The following PAX2 variants were observed in gnomAD, a reference collection of about 807,000 sequenced individuals.
PAX2 encodes paired box protein Pax-2.
Under a neutral mutation model 41.7 loss-of-function variants are expected in PAX2, and 9 were observed. The ratio of observed to expected loss-of-function variants is 0.22; its 90% CI spans 0.13 to 0.38. PAX2 has a LOEUF of 0.38. Among genes scored for constraint, PAX2 ranks in the 10% least tolerant of loss-of-function variants. PAX2 has a pLI of 1.00. For synonymous variants in PAX2, 221 were observed against 212.7 expected, an observed-to-expected ratio of 1.04 and a Z score of -0.34; for missense variants, 418 against 531.6, an observed-to-expected ratio of 0.79 and a Z score of 2.10.
intron 5 of PAX2, among the ~76,000 whole-genome samples, chr10:100,784,193 G>A (rs1171180882): frequency 6.6e-6 from 1 of 152,232 alleles, no homozygotes; most frequent in African/African-American, 2.4e-5. Flanking sequence ...GTGTCAAGAT[G>A]ATGTAGCCCA....
At position 100,806,491 on chromosome 10, in the gene PAX2, G is replaced by C; in HGVS notation, c.678G>C (p.Lys226Asn). Residue 226 changes from lysine (K) to asparagine (N), a missense_variant, in exon 6 of 10, where the codon AAG (lysine) becomes AAC (asparagine). By Grantham distance (94) the Lys-to-Asn change is moderately conservative. Transcript: ENST00000355243. The stretch of plus-strand genomic sequence containing the variant: ...AGAGTGGTGTGGACAGTTTGCGGAA[G>C]CACTTGCGAGCTGACACCTTCACCC... ...DSQSGVDSLR[K>N]HLRADTFTQQ... 6.2e-7 allele frequency: 1 copy of C among 1,614,230 alleles called. No individual in the cohort carries two copies.
At chr10:100,775,597 G>T (rs1846359137) in intron 3 of PAX2, among the ~76,000 whole-genome samples, 1 of 152,176 alleles carries the variant, frequency 6.6e-6, no homozygotes, top group Non-Finnish European at 1.5e-5. Flanking sequence ...GTGCCCTAGG[G>T]GTCAGAGGCT....
chr10:100,769,626 G>GAATAAAATAAAATAA (rs60896393), intron 3 of PAX2, among the ~76,000 whole-genome samples: 3,491 of 126,878 alleles, frequency 0.028, 66 homozygotes, highest in Middle Eastern at 0.061. Flanking sequence ...ATCTCAAAAA[G>GAATAAAATAAAATAA]AATAAAATAA....
chr10:100,788,339 C>A (rs191215534), intron 5 of PAX2, among the ~76,000 whole-genome samples: 1 of 152,312 alleles, frequency 6.6e-6, no homozygotes, highest in East Asian at 1.9e-4. Flanking sequence ...CAGGCGTGCC[C>A]TGGTCACCAA....
chr10:100,764,387 C>T lies in PAX2; in HGVS notation c.410+13496C>T, dbSNP rs968695968. 3.3e-5 allele frequency among the ~76,000 whole-genome samples: 5 copies of T among 152,084 alleles called. No individual in the cohort carries two copies. The South Asian group carries it at 8.3e-4, about 25-fold the overall frequency. On this transcript the variant is annotated intron_variant, in intron 3 of 9. Coordinates refer to ENST00000355243, the MANE Select transcript of PAX2 (RefSeq NM_000278.5). The stretch of plus-strand genomic sequence containing the variant: ...TCGATCTCCTGACCTTGTGATCCAC[C>T]CACCTTGGCCTCCCAAAGTGCTGGG...
rs1334563932 is a variant in PAX2, at chr10:100,824,991, C to T, written c.1021+242C>T. 4 of 1,612,010 alleles carry T rather than the reference C, an allele frequency of 2.5e-6. No homozygotes were observed. The highest frequency in any genetic ancestry group is 1.7e-5 in the Admixed American group (1 of 60,002). Reference sequence around the variant, plus strand: ...CCCTTGTGTGCAACCCACTGTATGTCATGGCCCCTCCACAGCGCCCACCCA... The same window carrying T: ...CCCTTGTGTGCAACCCACTGTATGTTATGGCCCCTCCACAGCGCCCACCCA... On this transcript the variant is annotated intron_variant, in intron 8 of 9. Coordinates refer to ENST00000355243, the MANE Select transcript of PAX2 (RefSeq NM_000278.5). This position sits in a 1 kb window ranked among gnomAD's most constrained non-coding sequence, Gnocchi z 6.6.
rs1845364307 is a variant in PAX2 at position 100,749,735 on chromosome 10, T to C, written c.44-11T>C. 1 of 1,605,946 alleles carries C rather than the reference T, an allele frequency of 6.2e-7. No individual in the cohort carries two copies. The highest frequency in any genetic ancestry group is 8.5e-7 in the Non-Finnish European group (1 of 1,174,482). On this transcript the variant is annotated splice_polypyrimidine_tract_variant and intron_variant, in intron 1 of 9. Coordinates refer to ENST00000355243, the MANE Select transcript of PAX2 (RefSeq NM_000278.5). ...TGTGGGGTGTTGTGTTTTTTTCTTG[T>C]CTCTCCCCAGCAGGGCACGGGGGTG...
rs1024993677 is a variant in PAX2 at position 100,750,672 on chromosome 10, C to G, written c.213-22C>G. On this transcript the variant is annotated intron_variant, in intron 2 of 9. Transcript: ENST00000355243. This position sits in a 1 kb window ranked among gnomAD's most constrained non-coding sequence, Gnocchi z 4.1. ...CCGCCACAGTCCGCTTCTGGCTGAC[C>G]CCGCCGGCTTTCCCGGCGCAGGTAC... The G allele has an allele frequency of 1.2e-6, 2 of 1,610,188 alleles. No individual in the cohort carries two copies. The highest frequency in any genetic ancestry group is 1.7e-6 in the Non-Finnish European group (2 of 1,176,780).
chr10:100,752,005 C>G (rs1845460802), intron 3 of PAX2, among the ~76,000 whole-genome samples: 1 of 152,150 alleles, frequency 6.6e-6, no homozygotes. Context: ...AAATTGGCAT[C>G]ACATATAAAG....
chr10:100,798,057 G>A (rs1335554038), intron 5 of PAX2, among the ~76,000 whole-genome samples: 1 of 151,014 alleles, frequency 6.6e-6, no homozygotes, highest in African/African-American at 2.4e-5. Flanking sequence ...GTCTTGCCCC[G>A]AGCCAAGGTT....
rs116080882 is a variant in PAX2 at position 100,824,437 on chromosome 10, G to T, written c.920-211G>T. On this transcript the variant is annotated intron_variant, in intron 7 of 9. Coordinates refer to ENST00000355243, the MANE Select transcript of PAX2 (RefSeq NM_000278.5). The surrounding 1 kb of genome is among the most constrained non-coding windows in gnomAD (Gnocchi z 6.6). ...AAAGAGCTACACAAAACAGAGATGC[G>T]TACACACAGCTGATCATAGACATTT... Among the ~76,000 whole-genome samples the T allele has an allele frequency of 2.7e-5, 4 of 149,340 alleles. No individual in the cohort carries two copies. In the East Asian group the frequency reaches 7.9e-4, roughly 29 times the overall value.
At chr10:100,749,676 C>A in intron 1 of PAX2, 70 bp from the exon 2 acceptor site, 2 of 1,559,210 alleles carry the variant, frequency 1.3e-6, no homozygotes, top group Non-Finnish European at 1.7e-6. Flanking sequence ...CGTCCCGGGC[C>A]GCGGACCCTG....
chr10:100,741,703 G>A (rs1375102656), upstream of PAX2, among the ~76,000 whole-genome samples: 4 of 152,182 alleles, frequency 2.6e-5, no homozygotes, highest in Non-Finnish European at 4.4e-5. Flanking sequence ...CTAAAAGTGG[G>A]AATAATCCAG....
chr10:100,746,021 G>T lies in PAX2; in HGVS notation c.-240G>T. On this transcript the variant is annotated 5_prime_UTR_variant, in exon 1 of 10. Transcript: ENST00000355243. ...CCGGGGCCATTCTGCTGACCGCCCA[G>T]CCCCGAGCCCCGACAGTGGCAAGTT... is the stretch of plus-strand genomic sequence containing the variant. The T allele has an allele frequency of 7.1e-7, 1 of 1,415,962 alleles. No individual in the cohort carries two copies. The highest frequency in any genetic ancestry group is 9.2e-7 in the Non-Finnish European group (1 of 1,091,694). 87.7% of individuals were successfully genotyped at this position (1,415,962 alleles called of 1,614,324 possible).
At chr10:100,740,788 G>C (rs1479100727), upstream of PAX2, among the ~76,000 whole-genome samples, 1 of 152,236 alleles carries the variant, frequency 6.6e-6, no homozygotes, top group Non-Finnish European at 1.5e-5. Context: ...GGAGGTCCAT[G>C]GGTATCTAGG....
intron 1 of PAX2, among the ~76,000 whole-genome samples, chr10:100,736,559 A>G (rs192517966): frequency 4.8e-4 from 72 of 151,376 alleles, no homozygotes; most frequent in African/African-American, 1.8e-3. Context: ...TTTTTGCCTC[A>G]CTCCTCACCT....
rs537308589 is a variant in PAX2 at position 100,792,371 on chromosome 10, C to T, written c.616+11006C>T. ...AGAAAATGCCTGGAGAGGAAGTCCG[C>T]AGCATAGGCCTTTGCTCTGGCCTGT... On this transcript the variant is annotated intron_variant, in intron 5 of 9. Transcript: ENST00000355243. Among the ~76,000 whole-genome samples the T allele has an allele frequency of 6.8e-4, 104 of 152,374 alleles. 1 individual carries two copies. Among genetic ancestry groups the T allele is most frequent in the African/African-American group, 2.2e-3 (92 of 41,582 alleles).
chr10:100,816,228 A>C (rs995555892), intron 7 of PAX2, among the ~76,000 whole-genome samples: 1 of 152,214 alleles, frequency 6.6e-6, no homozygotes, highest in Non-Finnish European at 1.5e-5. Context: ...GTGCATAACA[A>C]TAGCCAACTC....
At chr10:100,760,564 G>A (rs748742219) in intron 3 of PAX2, among the ~76,000 whole-genome samples, 5 of 152,228 alleles carry the variant, frequency 3.3e-5, no homozygotes, top group South Asian at 2.1e-4. Flanking sequence ...GGTGGAGGGT[G>A]TGTGTAGTAT....
Sources: gnomAD v4.1 joint callset for allele counts (sites outside exome capture counted in the v4.1 genomes callset) on GRCh38, gnomAD v4.1.1 for gene constraint, Gnocchi (gnomAD v3.1) non-coding constraint, MANE v1.5 for transcripts, NCBI Gene and HGNC (gene_info 2026-07-23, HGNC 2026-07-21) for gene names.